Variants in ADCY8 observed in about 807,000 individuals in gnomAD.
ADCY8 encodes adenylate cyclase type 8.
In ADCY8, 51 loss-of-function variants were observed where a neutral mutation model predicts 119.7. The ratio of observed to expected loss-of-function variants is 0.43; its 90% confidence interval spans 0.34 to 0.54. The LOEUF is 0.54. Among genes scored for constraint, ADCY8 ranks in the 20% least tolerant of loss-of-function variants. The probability of loss-of-function intolerance (pLI) is 0.03; values close to 1 mark genes in which losing one functional copy is unlikely to be tolerated. For missense variants in ADCY8, 1,383 were observed against 1,598.8 expected, an observed-to-expected ratio of 0.87 and a Z score of 2.30; for synonymous variants, 665 against 651.0, an observed-to-expected ratio of 1.02 and a Z score of -0.33.
chr8:130,836,434 C>T lies in ADCY8; in HGVS notation c.2518G>A (p.Gly840Arg). ...GCACAGGTCACCATGGCCAACACCC[C>T]CGTGAAGACAAAGTACTGGAAACAG... ...CSYPEYFVFT[G>R]VLAMVTCAVF... The change falls in exon 12 of 18, where the codon GGG becomes AGG. Residue 840 changes from glycine to arginine, a missense_variant. This residue lies in a region of ADCY8 where 928 missense variants were observed against 1,163.5 expected (regional missense o/e 0.80). Coordinates refer to ENST00000286355, the MANE Select transcript of ADCY8 (RefSeq NM_001115.3). The T allele has an allele frequency of 6.2e-7, 1 of 1,613,542 alleles. No homozygotes were observed. Among genetic ancestry groups the T allele is most frequent in the Non-Finnish European group, 8.5e-7 (1 of 1,179,732 alleles).
intron 1 of ADCY8, among the ~76,000 whole-genome samples, chr8:130,992,729 A>T (rs185105895): frequency 1.7e-4 from 26 of 152,220 alleles, no homozygotes; most frequent in African/African-American, 6.0e-4. Context: ...AAAAATTTTT[A>T]AATGATTTAT....
At chr8:130,974,466 A>T (rs756941856) in intron 2 of ADCY8, among the ~76,000 whole-genome samples, 12 of 152,234 alleles carry the variant, frequency 7.9e-5, no homozygotes, top group Non-Finnish European at 1.8e-4. Flanking sequence ...CTTGAAATCA[A>T]ATTTAGTGGA....
At chr8:130,854,429 G>A (rs997911073) in intron 9 of ADCY8, among the ~76,000 whole-genome samples, 1 of 152,188 alleles carries the variant, frequency 6.6e-6, no homozygotes, top group Non-Finnish European at 1.5e-5. Context: ...GGAATCAGTG[G>A]GGATGAGTGA....
chr8:131,025,556 C>A (rs1023047165), intron 1 of ADCY8, among the ~76,000 whole-genome samples: 1 of 152,276 alleles, frequency 6.6e-6, no homozygotes, highest in Middle Eastern at 3.4e-3. Context: ...AAAGGACAGA[C>A]CCTGCTCTCA....
intron 4 of ADCY8, among the ~76,000 whole-genome samples, chr8:130,940,004 C>T (rs1230948038): frequency 1.3e-5 from 2 of 152,158 alleles, no homozygotes; most frequent in Non-Finnish European, 2.9e-5. Context: ...TGTGATCTTT[C>T]CCTGAAAACA....
chr8:130,848,770 A>G (rs1489681695), intron 10 of ADCY8, among the ~76,000 whole-genome samples: 1 of 152,208 alleles, frequency 6.6e-6, no homozygotes, highest in Non-Finnish European at 1.5e-5. Context: ...GTCATGGACA[A>G]CACAGACTAC....
At chr8:130,841,323 C>A (rs1348208977) in intron 11 of ADCY8, among the ~76,000 whole-genome samples, 1 of 152,140 alleles carries the variant, frequency 6.6e-6, no homozygotes, top group East Asian at 1.9e-4. Context: ...TAACACTTTT[C>A]TTCTTCTGAA....
In ADCY8 at chr8:130,951,860, T is replaced by A. The variant is rs760794149; in HGVS notation, c.1241+8A>T. ...CAAGAGCCGGGGCAAGGGTGTTGTG[T>A]TTCTCACCTGACGTTCTCATAGCGA... On this transcript the variant is annotated splice_region_variant and intron_variant, in intron 3 of 17. Coordinates refer to ENST00000286355, the MANE Select transcript of ADCY8 (RefSeq NM_001115.3). 1 of 1,613,770 alleles carries A rather than the reference T, an allele frequency of 6.2e-7. No homozygotes were observed.
Position 130,904,044 on chromosome 8 carries a change from T to C in ADCY8, c.1641-2A>G. On this transcript the variant is annotated splice_acceptor_variant, in intron 6 of 17. Coordinates refer to ENST00000286355, the MANE Select transcript of ADCY8 (RefSeq NM_001115.3). LOFTEE classifies it high-confidence loss of function. ...GTGGCTTTGGAAATGTGAATCCTCC[T>C]GTGTGTAGAAGGCATAGGTCATTAC... is the stretch of plus-strand genomic sequence containing the variant. 1 of 1,611,180 alleles carries C rather than the reference T, an allele frequency of 6.2e-7. No homozygotes were observed. Among genetic ancestry groups the C allele is most frequent in the Non-Finnish European group, 8.5e-7 (1 of 1,178,094 alleles).
intron 12 of ADCY8, among the ~76,000 whole-genome samples, chr8:130,834,888 T>C (rs534438904): frequency 6.6e-6 from 1 of 151,992 alleles, no homozygotes; most frequent in East Asian, 1.9e-4. Context: ...GAAGGATATA[T>C]ATTCAGTACA....
Position 130,990,536 on chromosome 8 carries a change from C to A in ADCY8, c.967G>T (p.Ala323Ser), listed in dbSNP as rs762306859. The change falls in exon 2 of 18, where the codon GCC becomes TCC. Residue 323 changes from alanine (A) to serine (S), a missense_variant. Physicochemically the swap from Ala to Ser is moderately conservative, Grantham distance 99. Coordinates refer to ENST00000286355, the MANE Select transcript of ADCY8 (RefSeq NM_001115.3). Reference protein sequence around the residue: ...LAVISINQVVAQAVLFMCMNT... With the variant: ...LAVISINQVVSQAVLFMCMNT... ...ATACACATGAATAGCACTGCCTGGG[C>A]CACAACCTAAAATAAACACAGTCTG... 6.2e-6 allele frequency: 10 copies of A among 1,613,656 alleles called. No individual in the cohort carries two copies. The highest frequency in any genetic ancestry group is 1.3e-5 in the African/African-American group (1 of 74,938).
rs1015347622 is a variant in ADCY8, at chr8:130,854,077, A to G, written c.2211-4274T>C. Among the ~76,000 whole-genome samples, 48 of 152,244 alleles carry G rather than the reference A, an allele frequency of 3.2e-4. 1 individual carries two copies. Among genetic ancestry groups the G allele is most frequent in the African/African-American group, 1.1e-3 (47 of 41,466 alleles). ...AATTACAAGATTAGCTTTTTAAGCA[A>G]AAGTACTGACACTGTGTATTACATT... is the stretch of plus-strand genomic sequence containing the variant. On this transcript the variant is annotated intron_variant, in intron 9 of 17. Coordinates refer to ENST00000286355, the MANE Select transcript of ADCY8 (RefSeq NM_001115.3).
chr8:130,826,879 G>C (rs1034414072), intron 12 of ADCY8, among the ~76,000 whole-genome samples: 44 of 149,364 alleles, frequency 2.9e-4, no homozygotes, highest in Non-Finnish European at 5.8e-4. Context: ...TAGATCTTAA[G>C]ATATTTTGTT....
intron 17 of ADCY8, among the ~76,000 whole-genome samples, chr8:130,781,155 G>C (rs1453173208): frequency 6.6e-6 from 1 of 152,232 alleles, no homozygotes; most frequent in African/African-American, 2.4e-5. Flanking sequence ...CTGGCAACCA[G>C]TGAGTGTTCA....
chr8:131,040,479 G>A lies in ADCY8; in HGVS notation c.-146C>T, dbSNP rs1420944266. 2.5e-4 allele frequency: 259 copies of A among 1,034,024 alleles called. 3 individuals are homozygous for A. The highest frequency in any genetic ancestry group is 4.6e-5 in the Non-Finnish European group (36 of 775,946). The allele number at this position is 1,034,024 out of a possible 1,614,324, so 64.1% of individuals were successfully genotyped here. A position where few individuals can be genotyped will look rare whatever the true frequency, so the allele number is the denominator to read the frequency against. On this transcript the variant is annotated 5_prime_UTR_variant, in exon 1 of 18. Transcript: ENST00000286355. ...CCCGTTGCAGGAGCCCTGCGCTAGG[G>A]CTCCCTGTAGGTCGGGTCATACTGT...
chr8:130,937,281 C>G, intron 4 of ADCY8, 81 bp from the exon 5 acceptor site: 1 of 1,477,996 alleles, frequency 6.8e-7, no homozygotes, highest in African/African-American at 1.4e-5. Context: ...AAGAGGCGAG[C>G]AGGGTTAGGT....
chr8:130,932,131 C>A (rs1820648617), intron 5 of ADCY8, among the ~76,000 whole-genome samples: 1 of 152,088 alleles, frequency 6.6e-6, no homozygotes, highest in Non-Finnish European at 1.5e-5. Context: ...ATGCCAGAAG[C>A]CTGGGGCAGC....
chr8:130,870,201 A>C (rs1217067843), intron 8 of ADCY8, among the ~76,000 whole-genome samples: 1 of 151,658 alleles, frequency 6.6e-6, no homozygotes, highest in Non-Finnish European at 1.5e-5. Context: ...TTTAGTAGAG[A>C]TGGGGTTTCA....
At position 130,780,361 on chromosome 8, in the gene ADCY8, CA is replaced by C. The variant is rs5895055; in HGVS notation, c.*28del. On this transcript the variant is annotated 3_prime_UTR_variant, in exon 18 of 18. Coordinates refer to ENST00000286355, the MANE Select transcript of ADCY8 (RefSeq NM_001115.3). ...ATTTATTTTATATATAAAAGAAATA[CA>C]AAAAAAAAAAACAGAAAGAAAATGC... 5.1e-3 allele frequency: 6,518 copies of C among 1,278,700 alleles called. 150 individuals carry two copies. The African/African-American group carries it at 0.074, about 15-fold the overall frequency. The allele number at this position is 1,278,700 out of a possible 1,614,324, so 79.2% of individuals were successfully genotyped here.
Sources: allele counts gnomAD v4.1 joint callset (sites outside exome capture counted in the v4.1 genomes callset), GRCh38; gene constraint gnomAD v4.1.1; regional missense constraint gnomAD v4.1.1; transcripts MANE v1.5; gene names NCBI Gene and HGNC (gene_info 2026-07-23, HGNC 2026-07-21).